Variants in EIF3E observed in about 807,000 individuals in gnomAD.
EIF3E encodes eIF-3 p48.
A neutral mutation model predicts 59.3 loss-of-function variants in EIF3E; 25 were observed. The ratio of observed to expected loss-of-function variants is 0.42; its 90% CI spans 0.31 to 0.59. EIF3E has a LOEUF of 0.59. EIF3E is among the 20% of genes least tolerant of loss of function. The pLI is 0.15. For synonymous variants in EIF3E, 176 were observed against 170.2 expected (o/e 1.03, Z -0.26); for missense variants, 317 against 534.3 (o/e 0.59, Z 4.01).
At chr8:108,226,138 A>G (rs1369934105) in intron 7 of EIF3E, 1 of 151,942 alleles carries the variant, frequency 6.6e-6, no homozygotes, top group African/African-American at 2.4e-5. Flanking sequence ...TTGAGGACTT[A>G]CTGTATACAC....
chr8:108,225,089 C>A (rs1029708196), intron 7 of EIF3E, among the ~76,000 whole-genome samples: 16 of 151,740 alleles, frequency 1.1e-4, no homozygotes, highest in Non-Finnish European at 2.2e-4. Flanking sequence ...ACTTGTGCAA[C>A]TGAGAAACAA....
chr8:108,215,998 T>C (rs188893777), intron 9 of EIF3E, among the ~76,000 whole-genome samples: 3 of 152,316 alleles, frequency 2.0e-5, no homozygotes, highest in African/African-American at 7.2e-5. Context: ...TAAGCCCATC[T>C]ATGAACCAAA....
rs1282651708 is a variant in EIF3E, at chr8:108,236,197, A to G, written c.330T>C (p.Gly110=). 1.9e-6 allele frequency: 3 copies of G among 1,610,046 alleles called. No homozygotes were observed. The highest frequency in any genetic ancestry group is 2.5e-6 in the Non-Finnish European group (3 of 1,178,354). ...CCGCCAGGTAGTCAAAGAGCATCCTACCATCCCTAAATAATAAAAAACAAA... is the reference window on the plus strand; with the variant it reads ...CCGCCAGGTAGTCAAAGAGCATCCTGCCATCCCTAAATAATAAAAAACAAA... The part of the protein sequence containing the change: ...TTRQMQSTRD[G]RMLFDYLADK... Residue 110 remains glycine (G), a synonymous_variant, in exon 4 of 13, where the codon GGT becomes GGC. Coordinates refer to ENST00000220849, the MANE Select transcript of EIF3E (RefSeq NM_001568.3).
chr8:108,227,671 A>G (rs1016932542), intron 7 of EIF3E: 1 of 152,320 alleles, frequency 6.6e-6, no homozygotes, highest in Admixed American at 6.5e-5. Flanking sequence ...AAAACATCTA[A>G]AGAGTTTCCA....
intron 1 of EIF3E, among the ~76,000 whole-genome samples, chr8:108,245,242 G>C (rs1432075441): frequency 6.6e-6 from 1 of 152,060 alleles, no homozygotes; most frequent in Non-Finnish European, 1.5e-5. Context: ...CAAGGTGGCA[G>C]ATCACTTGAG....
chr8:108,233,728 C>A, intron 5 of EIF3E: 1 of 314,762 alleles, frequency 3.2e-6, no homozygotes, highest in Non-Finnish European at 6.4e-6. Context: ...ACTTGTAGTC[C>A]TAGCTATTCA....
chr8:108,201,923 C>A lies in EIF3E; in HGVS notation c.1300G>T (p.Ala434Ser). 2.6e-6 allele frequency: 4 copies of A among 1,566,978 alleles called. No homozygotes were observed. Among genetic ancestry groups the A allele is most frequent in the South Asian group, 1.2e-5 (1 of 80,926 alleles). The change falls in exon 13 of 13, where the codon GCT (alanine) becomes TCT (serine). Residue 434 changes from alanine to serine, a missense_variant and splice_region_variant. By Grantham distance (99) the Ala-to-Ser change is moderately conservative (BLOSUM62 1). This residue lies in a region of EIF3E where 45 missense variants were observed against 97.8 expected (regional missense o/e 0.46). Transcript: ENST00000220849. Reference sequence around the variant, plus strand: ...GAATCTTGAGTTGCCCAGTTAGGAGCCTAAAATATGCAAAAAGAAATCAAC... The same window carrying A: ...GAATCTTGAGTTGCCCAGTTAGGAGACTAAAATATGCAAAAAGAAATCAAC... ...KKLNQNSRSE[A>S]PNWATQDSGF... is the part of the protein sequence containing the mutation.
chr8:108,234,960 C>CAAAAAAA lies in EIF3E; in HGVS notation c.471+31_471+37dup, dbSNP rs3075616. The CAAAAAAA allele has an allele frequency of 3.4e-4, 298 of 873,770 alleles. 5 individuals carry two copies. Among genetic ancestry groups the CAAAAAAA allele is most frequent in the South Asian group, 7.7e-4 (35 of 45,532 alleles). The allele number at this position is 873,770 out of a possible 1,614,324, so 54.1% of individuals were successfully genotyped here. Reference sequence around the variant, plus strand: ...AGAACCAAGGGAATCCTACAAAAGACAAAAAAAAAAAAAAAAAAAACATGT... The same window carrying CAAAAAAA: ...AGAACCAAGGGAATCCTACAAAAGACAAAAAAAAAAAAAAAAAAAAAAAAAAACATGT... On this transcript the variant is annotated intron_variant, in intron 5 of 12. Transcript: ENST00000220849.
At chr8:108,239,036 T>G (rs988669986) in intron 3 of EIF3E, among the ~76,000 whole-genome samples, 10 of 152,188 alleles carry the variant, frequency 6.6e-5, no homozygotes, top group African/African-American at 2.2e-4. Flanking sequence ...TAAAATAATC[T>G]TATCAGCTCA....
intron 10 of EIF3E, among the ~76,000 whole-genome samples, chr8:108,214,184 G>T (rs1254339895): frequency 6.6e-6 from 1 of 152,158 alleles, no homozygotes; most frequent in African/African-American, 2.4e-5. Context: ...AGTCAAATAT[G>T]TAATTAAATC....
At chr8:108,220,094 G>A (rs1215085860) in intron 7 of EIF3E, among the ~76,000 whole-genome samples, 1 of 151,634 alleles carries the variant, frequency 6.6e-6, no homozygotes, top group African/African-American at 2.4e-5. Context: ...AGTGAGCTGA[G>A]ATGGTGCCAC....
intron 2 of EIF3E, among the ~76,000 whole-genome samples, chr8:108,240,293 C>G (rs1469990791): frequency 6.6e-6 from 1 of 152,138 alleles, no homozygotes; most frequent in African/African-American, 2.4e-5. Flanking sequence ...AAAGGGAATC[C>G]TCTTCCTACT....
At chr8:108,223,825 TA>T (rs1216693818) in intron 7 of EIF3E, among the ~76,000 whole-genome samples, 1 of 149,054 alleles carries the variant, frequency 6.7e-6, no homozygotes, top group African/African-American at 2.6e-5. Flanking sequence ...GCAGAAATGG[TA>T]ATATATGTGA....
intron 7 of EIF3E, among the ~76,000 whole-genome samples, chr8:108,221,806 GCA>G (rs71281606): frequency 1.7e-4 from 25 of 149,884 alleles, no homozygotes; most frequent in Non-Finnish European, 2.2e-4. Context: ...ACACACACAC[GCA>G]CACACACACA....
rs572875992 is a variant in EIF3E at position 108,237,167 on chromosome 8, G to A, written c.324-964C>T. ...TTTGCATTATCTTGAGATGTTGACA[G>A]ACTAGTAAAAGACAAACTAATAATA... On this transcript the variant is annotated intron_variant, in intron 3 of 12. Coordinates refer to ENST00000220849, the MANE Select transcript of EIF3E (RefSeq NM_001568.3). Among the ~76,000 whole-genome samples the A allele has an allele frequency of 8.5e-5, 13 of 152,292 alleles. No homozygotes were observed. The East Asian group carries it at 1.5e-3, about 18-fold the overall frequency.
At chr8:108,204,007 A>AT (rs1815044313) in intron 10 of EIF3E, among the ~76,000 whole-genome samples, 1 of 152,084 alleles carries the variant, frequency 6.6e-6, no homozygotes, top group Non-Finnish European at 1.5e-5. Flanking sequence ...TTTACATAGC[A>AT]TTTACATTTT....
chr8:108,231,935 T>A (rs1815630404), intron 5 of EIF3E: 1 of 151,970 alleles, frequency 6.6e-6, no homozygotes, highest in Non-Finnish European at 1.5e-5. Flanking sequence ...AGAGTCAAAT[T>A]CTAATCTCAG....
chr8:108,201,784 G>A lies in EIF3E; in HGVS notation c.*101C>T, dbSNP rs1465878383. The A allele has an allele frequency of 2.7e-5, 26 of 954,580 alleles. No individual in the cohort carries two copies. Among genetic ancestry groups the A allele is most frequent in the Middle Eastern group, 3.7e-4 (1 of 2,736 alleles). 59.1% of individuals were successfully genotyped at this position (954,580 alleles called of 1,614,324 possible). ...TATTCCAATTCTTCAAAATTTATAC[G>A]TAATATGTTGTTTCCAAAATGTAAG... On this transcript the variant is annotated 3_prime_UTR_variant, in exon 13 of 13. Coordinates refer to ENST00000220849, the MANE Select transcript of EIF3E (RefSeq NM_001568.3).
chr8:108,239,472 G>C (rs932629982), intron 3 of EIF3E, among the ~76,000 whole-genome samples: 7 of 152,194 alleles, frequency 4.6e-5, no homozygotes, highest in Admixed American at 1.3e-4. Context: ...CAAGTGCTGA[G>C]ATTACAGGTG....
Sources: allele counts gnomAD v4.1 joint callset (sites outside exome capture counted in the v4.1 genomes callset), GRCh38; gene constraint gnomAD v4.1.1; regional missense constraint gnomAD v4.1.1; transcripts MANE v1.5; gene names NCBI Gene and HGNC (gene_info 2026-07-23, HGNC 2026-07-21).